The following PARD3B variants were observed in gnomAD, a reference collection of about 807,000 sequenced individuals.
PARD3B encodes par-3 family cell polarity regulator beta.
Under a neutral mutation model 130.2 loss-of-function variants are expected in PARD3B, and 103 were observed. The ratio of observed to expected loss-of-function variants is 0.79; its 90% CI spans 0.67 to 0.93. PARD3B has a LOEUF of 0.93. PARD3B is among the 40% of genes least tolerant of loss of function. PARD3B has a pLI of 0.00. For missense variants in PARD3B, 1,609 were observed against 1,499.2 expected, an observed-to-expected ratio of 1.07 and a Z score of -1.21; for synonymous variants, 583 against 553.2, an observed-to-expected ratio of 1.05 and a Z score of -0.76.
At chr2:205,251,346 C>T (rs2039841035) in intron 16 of PARD3B, among the ~76,000 whole-genome samples, 1 of 152,058 alleles carries the variant, frequency 6.6e-6, no homozygotes, top group Non-Finnish European at 1.5e-5. Context: ...TAAATTATAC[C>T]AAAGGCACAC....
At chr2:204,899,676 A>C (rs2046787919) in intron 2 of PARD3B, among the ~76,000 whole-genome samples, 1 of 152,150 alleles carries the variant, frequency 6.6e-6, no homozygotes, top group Non-Finnish European at 1.5e-5. Flanking sequence ...GTAATATAAT[A>C]TTCTGTGTTT....
rs1334910593 is a variant in PARD3B, at chr2:204,909,459, A to G, written c.223-55693A>G. On this transcript the variant is annotated intron_variant, in intron 2 of 22. Coordinates refer to ENST00000406610, the MANE Select transcript of PARD3B (RefSeq NM_001302769.2). ...CTTGTCAAAAAATATTTGTGCATTA[A>G]TTTTGGAAGATGGCCATCATAAATA... Among the ~76,000 whole-genome samples the G allele has an allele frequency of 2.6e-5, 4 of 152,320 alleles. No individual in the cohort carries two copies. The East Asian group carries it at 7.7e-4, about 29-fold the overall frequency.
intron 1 of PARD3B, among the ~76,000 whole-genome samples, chr2:204,667,322 G>T (rs1302207681): frequency 6.6e-6 from 1 of 151,522 alleles, no homozygotes; most frequent in Non-Finnish European, 1.5e-5. Context: ...TCAAATATTT[G>T]TTTTTTTTAA....
intron 10 of PARD3B, among the ~76,000 whole-genome samples, chr2:205,151,216 T>G (rs1479893396): frequency 1.3e-5 from 2 of 152,196 alleles, no homozygotes; most frequent in African/African-American, 4.8e-5. Flanking sequence ...TGTGATATGG[T>G]GCTGAGAAGA....
Position 205,157,586 on chromosome 2 carries a change from T to C in PARD3B, c.1435-1136T>C, listed in dbSNP as rs1575999157. 3.3e-5 allele frequency among the ~76,000 whole-genome samples: 5 copies of C among 152,290 alleles called. No individual in the cohort carries two copies. In the East Asian group the frequency reaches 9.7e-4, roughly 29 times the overall value. On this transcript the variant is annotated intron_variant, in intron 10 of 22. Coordinates refer to ENST00000406610, the MANE Select transcript of PARD3B (RefSeq NM_001302769.2). ...ATTATGGGTTCTTTGCTACTTCTGA[T>C]TTTATAGTTATATGTGACTGACATT...
At chr2:204,700,021 G>T (rs898658833) in intron 2 of PARD3B, among the ~76,000 whole-genome samples, 1 of 152,042 alleles carries the variant, frequency 6.6e-6, no homozygotes, top group Non-Finnish European at 1.5e-5. Context: ...TTGAAAACTT[G>T]TGTATTTCCT....
In PARD3B at chr2:205,180,138, T is replaced by C. The variant is rs79611617; in HGVS notation, c.1924+3561T>C. ...TCCAAAGTGACTCCATTAAACATTA[T>C]TTTTTCAAAAGTAGAGAAAATCTAT... On this transcript the variant is annotated intron_variant, in intron 13 of 22. Transcript: ENST00000406610. 6.4e-3 allele frequency among the ~76,000 whole-genome samples: 964 copies of C among 151,784 alleles called. 13 individuals are homozygous for C. The highest frequency in any genetic ancestry group is 0.022 in the African/African-American group (924 of 41,340).
chr2:204,581,741 ATGTT>A (rs1415192955), intron 1 of PARD3B, among the ~76,000 whole-genome samples: 1 of 152,160 alleles, frequency 6.6e-6, no homozygotes, highest in Non-Finnish European at 1.5e-5. Flanking sequence ...AGGCACAAAA[ATGTT>A]AGTTATCTTG....
chr2:205,304,662 A>T (rs1299328747), intron 18 of PARD3B, among the ~76,000 whole-genome samples: 1 of 151,110 alleles, frequency 6.6e-6, no homozygotes, highest in African/African-American at 2.4e-5. Context: ...TCAGCTAGGC[A>T]TAGTGGCTCA....
chr2:204,759,569 A>G (rs750103181), intron 2 of PARD3B, among the ~76,000 whole-genome samples: 16 of 152,134 alleles, frequency 1.1e-4, no homozygotes, highest in Non-Finnish European at 5.9e-5. Context: ...ATATGGCCAT[A>G]CCATAATTTA....
rs1177902655 is a variant in PARD3B, at chr2:205,105,906, G to A, written c.593+1392G>A. 2.0e-5 allele frequency among the ~76,000 whole-genome samples: 3 copies of A among 151,750 alleles called. No homozygotes were observed. The highest frequency in any genetic ancestry group is 2.9e-5 in the Non-Finnish European group (2 of 67,944). The stretch of plus-strand genomic sequence containing the variant: ...GAAACTAATAAGATTGTTTCTGGAG[G>A]TAGACATAATGATTGTAATGCTCTT... On this transcript the variant is annotated intron_variant, in intron 5 of 22. Transcript: ENST00000406610. This position sits in a 1 kb window ranked among gnomAD's most constrained non-coding sequence, Gnocchi z 4.0.
intron 20 of PARD3B, among the ~76,000 whole-genome samples, chr2:205,487,632 G>C (rs544782700): frequency 6.6e-6 from 1 of 152,268 alleles, no homozygotes; most frequent in African/African-American, 2.4e-5. Flanking sequence ...GGATCTCTTG[G>C]GAGAAGAGAG....
intron 21 of PARD3B, among the ~76,000 whole-genome samples, chr2:205,503,731 G>A (rs959434285): frequency 2.0e-5 from 3 of 152,064 alleles, no homozygotes; most frequent in Non-Finnish European, 2.9e-5. Context: ...GTAGCTTGAT[G>A]GGGATGGCAT....
chr2:205,110,123 G>A (rs747349878), intron 5 of PARD3B, among the ~76,000 whole-genome samples: 4 of 152,098 alleles, frequency 2.6e-5, no homozygotes, highest in Admixed American at 6.5e-5. Context: ...AATTACCCCC[G>A]GCTCCCCATC....
intron 3 of PARD3B, among the ~76,000 whole-genome samples, chr2:204,992,860 C>A (rs1693847440): frequency 7.1e-6 from 1 of 141,390 alleles, no homozygotes; most frequent in Non-Finnish European, 1.5e-5. Flanking sequence ...GGAGTTCACT[C>A]ATGATTTGGC....
chr2:204,597,326 A>T (rs1029957810), intron 1 of PARD3B, among the ~76,000 whole-genome samples: 7 of 152,042 alleles, frequency 4.6e-5, no homozygotes, highest in Non-Finnish European at 8.8e-5. Flanking sequence ...AATCCTCACT[A>T]ATAAATATGG....
intron 2 of PARD3B, among the ~76,000 whole-genome samples, chr2:204,699,939 C>A (rs535854199): frequency 5.9e-5 from 9 of 152,120 alleles, no homozygotes; most frequent in Admixed American, 4.6e-4. Context: ...TAATTTTAAA[C>A]CTTAGTATTT....
chr2:205,169,773 A>G (rs768591849), intron 11 of PARD3B, among the ~76,000 whole-genome samples: 2 of 152,170 alleles, frequency 1.3e-5, no homozygotes, highest in Non-Finnish European at 2.9e-5. Flanking sequence ...TTTAAAAACC[A>G]CACATCAGTC....
chr2:205,113,845 TAGTAAACAG>T (rs1703831967), intron 6 of PARD3B, among the ~76,000 whole-genome samples: 2 of 152,134 alleles, frequency 1.3e-5, no homozygotes. Context: ...CAGTGACACA[TAGTAAACAG>T]AATCCTTGGC....
Sources: gnomAD v4.1 joint callset for allele counts (sites outside exome capture counted in the v4.1 genomes callset) on GRCh38, gnomAD v4.1.1 for gene constraint, Gnocchi (gnomAD v3.1) non-coding constraint, MANE v1.5 for transcripts, NCBI Gene and HGNC (gene_info 2026-07-23, HGNC 2026-07-21) for gene names.